Variants in EPM2A observed in about 807,000 individuals in gnomAD.
EPM2A encodes laforin.
Under a neutral mutation model 26.5 loss-of-function variants are expected in EPM2A, and 21 were observed. The observed-to-expected ratio is 0.79, with a 90% CI of 0.56 to 1.14. The LOEUF is 1.14. Ranked by LOEUF, EPM2A falls within the 50% of genes most tolerant of loss-of-function variation. The pLI, the probability that EPM2A is intolerant of heterozygous loss-of-function variation, is 0.00. For synonymous variants in EPM2A, 217 were observed against 177.6 expected (o/e 1.22, Z -1.76); for missense variants, 458 against 440.8 (o/e 1.04, Z -0.35).
chr6:145,706,169 A>G (rs897496406), intron 1 of EPM2A, among the ~76,000 whole-genome samples: 2 of 152,210 alleles, frequency 1.3e-5, no homozygotes, highest in African/African-American at 2.4e-5. Flanking sequence ...GTGTAAATCC[A>G]TAAGAGCTGC....
rs75255922 is a variant in EPM2A, at chr6:145,564,952, G to A, written c.341-62377C>T. On this transcript the variant is annotated intron_variant, in intron 2 of 3. Coordinates refer to the EPM2A transcript ENST00000450221. ...ACTGCTCCTGTACTATAGGGCTTGG[G>A]CAGTTCTCAGCCTCATCCTCTGTCA... 7.2e-4 allele frequency among the ~76,000 whole-genome samples: 110 copies of A among 152,224 alleles called. 1 individual carries two copies. In the East Asian group the frequency reaches 0.018, roughly 25 times the overall value.
chr6:145,412,074 G>A (rs546731282), intron 4 of EPM2A, among the ~76,000 whole-genome samples: 5 of 151,994 alleles, frequency 3.3e-5, no homozygotes, highest in South Asian at 2.1e-4. Context: ...AAAATTGGCC[G>A]GGTGCGGTGG....
At chr6:145,705,002 T>C (rs1782134681) in intron 1 of EPM2A, among the ~76,000 whole-genome samples, 1 of 152,254 alleles carries the variant, frequency 6.6e-6, no homozygotes, top group Non-Finnish European at 1.5e-5. Context: ...AGAAGGAAGA[T>C]GGAGTGTATT....
intron 2 of EPM2A, among the ~76,000 whole-genome samples, chr6:145,520,411 T>C (rs532761887): frequency 1.3e-5 from 2 of 152,268 alleles, no homozygotes; most frequent in Non-Finnish European, 2.9e-5. Flanking sequence ...TAGATTCATC[T>C]CTCTCCTTCC....
chr6:145,593,677 A>T (rs1483859640), intron 2 of EPM2A, among the ~76,000 whole-genome samples: 1 of 152,078 alleles, frequency 6.6e-6, no homozygotes, highest in African/African-American at 2.4e-5. Context: ...ACTGCTAAAT[A>T]ACATATGGGC....
chr6:145,633,050 CA>C (rs1187257318), intron 3 of EPM2A, among the ~76,000 whole-genome samples: 1 of 152,194 alleles, frequency 6.6e-6, no homozygotes, highest in Admixed American at 6.5e-5. Flanking sequence ...TTCGTGAACA[CA>C]ACTACAATGG....
chr6:145,637,999 C>A (rs185303182), intron 2 of EPM2A: 8 of 152,072 alleles, frequency 5.3e-5, no homozygotes, highest in Non-Finnish European at 1.0e-4. Context: ...TGGACACTTC[C>A]GTTACATAAC....
chr6:145,439,922 G>A (rs765455244), intron 4 of EPM2A, among the ~76,000 whole-genome samples: 10 of 152,028 alleles, frequency 6.6e-5, no homozygotes, highest in Non-Finnish European at 8.8e-5. Flanking sequence ...TATGTCCTAC[G>A]TTATCTTTCA....
chr6:145,512,818 G>T (rs1780074196), intron 2 of EPM2A, among the ~76,000 whole-genome samples: 1 of 146,732 alleles, frequency 6.8e-6, no homozygotes, highest in African/African-American at 2.5e-5. Context: ...AATGGGGAAA[G>T]AACTCTCTAT....
intron 4 of EPM2A, among the ~76,000 whole-genome samples, chr6:145,484,251 G>C (rs1305926730): frequency 6.6e-6 from 1 of 151,954 alleles, no homozygotes; most frequent in African/African-American, 2.4e-5. Context: ...GTTATGCTTT[G>C]GTTTCAGGCC....
chr6:145,729,767 T>C (rs921375293), intron 1 of EPM2A, among the ~76,000 whole-genome samples: 2 of 152,132 alleles, frequency 1.3e-5, no homozygotes, highest in Non-Finnish European at 2.9e-5. Flanking sequence ...TGGGGGACCG[T>C]TGAGAAGGAA....
intron 2 of EPM2A, among the ~76,000 whole-genome samples, chr6:145,606,158 T>A (rs1775252613): frequency 6.6e-6 from 1 of 151,986 alleles, no homozygotes; most frequent in Non-Finnish European, 1.5e-5. Context: ...TTACTCCACA[T>A]GAAGGAAAAA....
rs1776409602 is a variant in EPM2A at position 145,730,068 on chromosome 6, C to G, written c.301+5130G>C. Among the ~76,000 whole-genome samples the G allele has an allele frequency of 2.0e-5, 3 of 152,130 alleles. No homozygotes were observed. The South Asian group carries it at 6.2e-4, about 32-fold the overall frequency. On this transcript the variant is annotated intron_variant, in intron 1 of 3. Coordinates refer to ENST00000367519, the MANE Select transcript of EPM2A (RefSeq NM_005670.4). ...CAGCCATGCAGATCGTCCCTGCTTC[C>G]CCTTCATCTTCTGCCATATTTGTTC... is the stretch of plus-strand genomic sequence containing the variant.
intron 4 of EPM2A, among the ~76,000 whole-genome samples, chr6:145,430,013 C>G (rs1390967115): frequency 6.7e-6 from 1 of 149,170 alleles, no homozygotes; most frequent in East Asian, 2.1e-4. Flanking sequence ...CCTGGGCAAC[C>G]TGGTGAAACC....
At chr6:145,459,387 C>A (rs1779300809) in intron 4 of EPM2A, among the ~76,000 whole-genome samples, 2 of 152,160 alleles carry the variant, frequency 1.3e-5, no homozygotes, top group African/African-American at 4.8e-5. Flanking sequence ...TACATTCAGG[C>A]TTTGAGAATC....
chr6:145,552,042 A>C (rs1316577043), intron 2 of EPM2A, among the ~76,000 whole-genome samples: 3 of 151,968 alleles, frequency 2.0e-5, no homozygotes, highest in Non-Finnish European at 1.5e-5. Context: ...TGAATACAGA[A>C]TCAGATAACT....
At chr6:145,674,767 G>A (rs1032549113) in intron 2 of EPM2A, among the ~76,000 whole-genome samples, 1 of 151,860 alleles carries the variant, frequency 6.6e-6, no homozygotes, top group Non-Finnish European at 1.5e-5. Context: ...AAAAGCCTCC[G>A]AGAAATATGG....
rs1775828962 is a variant in EPM2A at position 145,719,458 on chromosome 6, T to G, written c.301+15740A>C. Among the ~76,000 whole-genome samples the G allele has an allele frequency of 2.3e-5, 3 of 131,040 alleles. No homozygotes were observed. The South Asian group carries it at 8.4e-4, about 37-fold the overall frequency. The allele number at this position is 131,040 out of a possible 152,430, so 86.0% of individuals were successfully genotyped here. ...GGACACAGGAAGGGGAACATCACAC[T>G]CTGGGGACTGTTGTGGGGTTGGGGG... On this transcript the variant is annotated intron_variant, in intron 1 of 3. Coordinates refer to ENST00000367519, the MANE Select transcript of EPM2A (RefSeq NM_005670.4).
intron 2 of EPM2A, chr6:145,636,634 C>A (rs118083002): frequency 0.015 from 2,308 of 149,422 alleles, 24 homozygotes; most frequent in Middle Eastern, 0.027. Flanking sequence ...AATGTAAAAA[C>A]CAAAAAAGAA....
Sources: gnomAD v4.1 joint callset for allele counts (sites outside exome capture counted in the v4.1 genomes callset) on GRCh38, gnomAD v4.1.1 for gene constraint, MANE v1.5 for transcripts, NCBI Gene and HGNC (gene_info 2026-07-23, HGNC 2026-07-21) for gene names.